The following RPAP3 variants were observed in gnomAD, a reference collection of about 807,000 sequenced individuals.
RPAP3 encodes the protein RNA polymerase II associated protein 3, also known as RNA polymerase II-associated protein 3.
A neutral mutation model predicts 88.8 loss-of-function variants in RPAP3; 58 were observed. That is an observed-to-expected ratio of 0.65 (90% CI 0.53 to 0.81). The LOEUF is 0.81. Among genes scored for constraint, RPAP3 ranks in the 40% least tolerant of loss-of-function variants. The pLI is 0.00. For synonymous variants in RPAP3, 255 were observed against 259.9 expected (o/e 0.98, Z 0.18); for missense variants, 751 against 764.3 (o/e 0.98, Z 0.20).
intron 16 of RPAP3, among the ~76,000 whole-genome samples, chr12:47,664,186 G>A (rs1411609753): frequency 6.6e-6 from 1 of 152,082 alleles, no homozygotes; most frequent in Non-Finnish European, 1.5e-5. Flanking sequence ...TCAGGAGATC[G>A]AGACCATCCT....
chr12:47,690,474 G>T, intron 6 of RPAP3, 44 bp downstream of exon 6: 1 of 1,520,778 alleles, frequency 6.6e-7, no homozygotes, highest in Non-Finnish European at 8.9e-7. Context: ...GCATCTGTGA[G>T]ATAACACTGT....
chr12:47,670,352 C>T lies in RPAP3; in HGVS notation c.1288-7G>A. The T allele has an allele frequency of 7.0e-7, 1 of 1,432,400 alleles. No homozygotes were observed. The highest frequency in any genetic ancestry group is 9.7e-7 in the Non-Finnish European group (1 of 1,028,342). 88.7% of individuals were successfully genotyped at this position (1,432,400 alleles called of 1,614,324 possible). ...TAACCTTCTTGAGTGGTTTCTAAAACAATTAAAATCAATTCCTTAAATCAA... is the reference window on the plus strand; with the variant it reads ...TAACCTTCTTGAGTGGTTTCTAAAATAATTAAAATCAATTCCTTAAATCAA... On this transcript the variant is annotated splice_polypyrimidine_tract_variant and splice_region_variant and intron_variant, in intron 12 of 16. Transcript: ENST00000005386.
chr12:47,704,451 C>T (rs1939731420), intron 1 of RPAP3, among the ~76,000 whole-genome samples: 1 of 152,084 alleles, frequency 6.6e-6, no homozygotes, highest in Admixed American at 6.5e-5. Flanking sequence ...TCACTGCAAC[C>T]TCCACCTCCT....
chr12:47,694,705 A>T (rs1401049084), intron 5 of RPAP3, among the ~76,000 whole-genome samples: 1 of 152,132 alleles, frequency 6.6e-6, no homozygotes, highest in African/African-American at 2.4e-5. Context: ...ACAGGGAAAA[A>T]AAAGAAAAAA....
At chr12:47,679,922 T>C in intron 10 of RPAP3, 148 bp from the exon 11 acceptor site, 1 of 591,760 alleles carries the variant, frequency 1.7e-6, no homozygotes, top group South Asian at 2.4e-5. Flanking sequence ...TGAGCTATAG[T>C]AAGAACATTT....
chr12:47,671,946 G>T (rs1465798940), intron 12 of RPAP3, among the ~76,000 whole-genome samples: 2 of 151,742 alleles, frequency 1.3e-5, no homozygotes, highest in Non-Finnish European at 2.9e-5. Flanking sequence ...TTAAAATCAT[G>T]ACTCGGAAGC....
chr12:47,702,943 GCCAAGA>G, intron 1 of RPAP3, 97 bp from the exon 2 acceptor site: 1 of 884,358 alleles, frequency 1.1e-6, no homozygotes, highest in Non-Finnish European at 1.6e-6. Context: ...TTCATAAGTG[GCCAAGA>G]TACATGGACA....
chr12:47,698,191 T>C (rs1241917817), intron 3 of RPAP3, among the ~76,000 whole-genome samples: 1 of 152,184 alleles, frequency 6.6e-6, no homozygotes, highest in Non-Finnish European at 1.5e-5. Context: ...CACAATAACC[T>C]ATGAGGAAGG....
intron 8 of RPAP3, 144 bp from the exon 9 acceptor site, chr12:47,687,051 G>A (rs1007570529): frequency 2.6e-5 from 14 of 528,498 alleles, no homozygotes; most frequent in Admixed American, 7.6e-5. Context: ...CATGAGACAC[G>A]TTTTAAAATC....
chr12:47,669,275 A>G (rs186423767), intron 13 of RPAP3, among the ~76,000 whole-genome samples, 173 bp from the exon 14 acceptor site: 2 of 152,248 alleles, frequency 1.3e-5, no homozygotes, highest in African/African-American at 2.4e-5. Flanking sequence ...TTTTGGCAAA[A>G]CAGATTATGC....
chr12:47,690,100 G>A (rs975242395), intron 6 of RPAP3, among the ~76,000 whole-genome samples: 2 of 149,752 alleles, frequency 1.3e-5, no homozygotes, highest in Admixed American at 6.7e-5. Context: ...TTAAATATCA[G>A]CTTTATTCAG....
intron 9 of RPAP3, among the ~76,000 whole-genome samples, chr12:47,682,979 C>T (rs1939255023): frequency 6.6e-6 from 1 of 152,160 alleles, no homozygotes; most frequent in Non-Finnish European, 1.5e-5. Context: ...GCCTGAGTAT[C>T]TGGCCTTCTC....
At chr12:47,694,270 T>C (rs191169854) in intron 5 of RPAP3, among the ~76,000 whole-genome samples, 269 of 152,270 alleles carry the variant, frequency 1.8e-3, no homozygotes, top group African/African-American at 5.7e-3. Context: ...GAGAAAGTGA[T>C]CTCGGCAAAC....
chr12:47,671,472 ATGT>A (rs1197373946), intron 12 of RPAP3, among the ~76,000 whole-genome samples: 15 of 152,354 alleles, frequency 9.8e-5, no homozygotes, highest in Middle Eastern at 3.4e-3. Context: ...AACAAACTCA[ATGT>A]TAAAACCAGA....
intron 9 of RPAP3, 138 bp downstream of exon 9, chr12:47,686,638 AACTT>A: frequency 1.7e-6 from 1 of 583,918 alleles, no homozygotes; most frequent in African/African-American, 1.9e-5. Context: ...ATTAAATTTT[AACTT>A]ACTTAAATTT....
At chr12:47,674,789 A>AT (rs1410312371) in intron 12 of RPAP3, among the ~76,000 whole-genome samples, 1 of 152,346 alleles carries the variant, frequency 6.6e-6, no homozygotes, top group Non-Finnish European at 1.5e-5. Context: ...CCTGAAAGTG[A>AT]TGGGGAGAAT....
intron 4 of RPAP3, among the ~76,000 whole-genome samples, chr12:47,696,848 A>G (rs1242696309): frequency 6.6e-6 from 1 of 152,244 alleles, no homozygotes; most frequent in Non-Finnish European, 1.5e-5. Context: ...TCCGGTCAAC[A>G]GTAAGCTATT....
chr12:47,697,551 C>T, intron 4 of RPAP3, 46 bp downstream of exon 4: 1 of 1,531,774 alleles, frequency 6.5e-7, no homozygotes, highest in South Asian at 1.2e-5. Context: ...TGATTTTCAA[C>T]ATCTCCTGCT....
intron 12 of RPAP3, among the ~76,000 whole-genome samples, chr12:47,673,601 C>T (rs1174290475): frequency 9.9e-5 from 15 of 152,056 alleles, no homozygotes; most frequent in Admixed American, 8.5e-4. Flanking sequence ...AAAATACCTC[C>T]TCTGACTTCC....
Sources: gnomAD v4.1 joint callset for allele counts (sites outside exome capture counted in the v4.1 genomes callset) on GRCh38, gnomAD v4.1.1 for gene constraint, MANE v1.5 for transcripts, NCBI Gene and HGNC (gene_info 2026-07-23, HGNC 2026-07-21) for gene names.